CELSR1: variants seen among roughly 807,000 people sequenced by gnomAD.
CELSR1 encodes adhesion G protein-coupled receptor C1.
A neutral mutation model predicts 249.1 loss-of-function variants in CELSR1; 110 were observed. The observed-to-expected ratio is 0.44, with a 90% CI of 0.38 to 0.52. The LOEUF (loss-of-function observed/expected upper bound fraction) is 0.52. Among genes scored for constraint, CELSR1 ranks in the 20% least tolerant of loss-of-function variants. CELSR1 has a pLI of 0.00. For synonymous variants in CELSR1, 2,113 were observed against 1,900.0 expected, an observed-to-expected ratio of 1.11 and a Z score of -2.92; for missense variants, 4,109 against 4,296.4, an observed-to-expected ratio of 0.96 and a Z score of 1.22.
At chr22:46,497,454 C>T (rs1010926595) in intron 1 of CELSR1, among the ~76,000 whole-genome samples, 2 of 152,156 alleles carry the variant, frequency 1.3e-5, no homozygotes, top group Admixed American at 1.3e-4. Flanking sequence ...GAATCTGTCC[C>T]AGGCCTCTGT....
rs745927184 is a variant in CELSR1 at position 46,374,184 on chromosome 22, T to C, written c.7585-1127A>G. ...GCGCGAGCGTGTGGCTGGAGAACTC[T>C]ACACCAAACACCCTGGTTTCCTGAG... On this transcript the variant is annotated intron_variant, in intron 24 of 34. Transcript: ENST00000674500. The surrounding 1 kb of genome is among the most constrained non-coding windows in gnomAD (Gnocchi z 4.3). Among the ~76,000 whole-genome samples, 2 of 152,190 alleles carry C rather than the reference T, an allele frequency of 1.3e-5. No individual in the cohort carries two copies. The highest frequency in any genetic ancestry group is 4.8e-5 in the African/African-American group (2 of 41,446).
intron 1 of CELSR1, among the ~76,000 whole-genome samples, chr22:46,485,172 C>T (rs1349147041): frequency 2.6e-5 from 4 of 152,172 alleles, no homozygotes; most frequent in East Asian, 3.9e-4. Flanking sequence ...ATTGCAGCTT[C>T]GAGGTTTTTC....
intron 1 of CELSR1, among the ~76,000 whole-genome samples, chr22:46,530,763 A>C (rs2080783280): frequency 6.6e-6 from 1 of 152,166 alleles, no homozygotes; most frequent in Non-Finnish European, 1.5e-5. Flanking sequence ...AGGCTAAATG[A>C]ACTGCCCCCA....
rs1602096366 is a variant in CELSR1, at chr22:46,410,326, A to G, written c.4933+72T>C. 1 of 1,559,266 alleles carries G rather than the reference A, an allele frequency of 6.4e-7. No homozygotes were observed. The highest frequency in any genetic ancestry group is 1.1e-5 in the South Asian group (1 of 87,850). On this transcript the variant is annotated intron_variant, in intron 7 of 34. Transcript: ENST00000674500. The surrounding 1 kb of genome is among the most constrained non-coding windows in gnomAD (Gnocchi z 6.8). Reference sequence around the variant, plus strand: ...GCTCCCCAGGGATCTGCAAGCAGTGACCTCTGTGTGGCTGCCGACGTCCAG... The same window carrying G: ...GCTCCCCAGGGATCTGCAAGCAGTGGCCTCTGTGTGGCTGCCGACGTCCAG...
rs1260354743 is a variant in CELSR1, at chr22:46,506,495, C to T, written c.3544+27132G>A. ...CAAGAGTCCAGCCCAACCGGCCCTG[C>T]CTCAGGTCTGCGTTCTGCCAGCCTC... On this transcript the variant is annotated intron_variant, in intron 1 of 34. Transcript: ENST00000674500. The surrounding 1 kb of genome is among the most constrained non-coding windows in gnomAD (Gnocchi z 4.1). Among the ~76,000 whole-genome samples the T allele has an allele frequency of 6.6e-6, 1 of 152,204 alleles. No individual in the cohort carries two copies. The highest frequency in any genetic ancestry group is 2.4e-5 in the African/African-American group (1 of 41,450).
intron 18 of CELSR1, among the ~76,000 whole-genome samples, chr22:46,388,782 A>G (rs1052143940): frequency 6.6e-6 from 1 of 152,044 alleles, no homozygotes; most frequent in African/African-American, 2.4e-5. Context: ...TTCCACACAC[A>G]CAGCCAGAGG....
chr22:46,457,729 C>G (rs556500204), intron 2 of CELSR1, among the ~76,000 whole-genome samples: 2 of 152,370 alleles, frequency 1.3e-5, no homozygotes, highest in South Asian at 4.1e-4. Flanking sequence ...AGGGCGGACC[C>G]ACATGGGAGC....
Position 46,397,680 on chromosome 22 carries a change from C to T in CELSR1, c.5695G>A (p.Asp1899Asn), listed in dbSNP as rs763690144. ...DAWEDYSCVC[D>N]KGYLGINCVD... ...CCCGGGAGGGCGGTCCCACCTTTGTCACAGACGCAGCTGTAGTCCTCCCAG... is the reference window on the plus strand; with the variant it reads ...CCCGGGAGGGCGGTCCCACCTTTGTTACAGACGCAGCTGTAGTCCTCCCAG... The change falls in exon 12 of 35, where the codon GAC becomes AAC. Residue 1899 changes from aspartate (D) to asparagine (N), a missense_variant. By Grantham distance (23) the Asp-to-Asn change is conservative. This residue lies in a region of CELSR1 where 1,805 missense variants were observed against 1,831.6 expected (regional missense o/e 0.99). Coordinates refer to ENST00000674500, the MANE Select transcript of CELSR1 (RefSeq NM_001378328.1). 2 of 1,512,140 alleles carry T rather than the reference C, an allele frequency of 1.3e-6. No homozygotes were observed. Among genetic ancestry groups the T allele is most frequent in the Admixed American group, 4.2e-5 (2 of 48,040 alleles). 93.7% of individuals were successfully genotyped at this position (1,512,140 alleles called of 1,614,324 possible).
intron 2 of CELSR1, among the ~76,000 whole-genome samples, chr22:46,459,347 AG>A (rs1299483658): frequency 1.3e-5 from 2 of 152,180 alleles, no homozygotes; most frequent in Non-Finnish European, 2.9e-5. Flanking sequence ...CCAGCCCCTC[AG>A]GTGTGAGGTT....
intron 9 of CELSR1, among the ~76,000 whole-genome samples, chr22:46,404,627 C>T (rs1364241091): frequency 6.6e-6 from 1 of 151,900 alleles, no homozygotes; most frequent in South Asian, 2.1e-4. Flanking sequence ...GGCACACACA[C>T]ACAAAAAAAC....
At position 46,401,138 on chromosome 22, in the gene CELSR1, T is replaced by C. The variant is rs2079207173; in HGVS notation, c.5227-1236A>G. Among the ~76,000 whole-genome samples, 1 of 152,154 alleles carries C rather than the reference T, an allele frequency of 6.6e-6. No individual in the cohort carries two copies. Among genetic ancestry groups the C allele is most frequent in the Non-Finnish European group, 1.5e-5 (1 of 68,034 alleles). On this transcript the variant is annotated intron_variant, in intron 9 of 34. Coordinates refer to ENST00000674500, the MANE Select transcript of CELSR1 (RefSeq NM_001378328.1). The surrounding 1 kb of genome is among the most constrained non-coding windows in gnomAD (Gnocchi z 4.7). ...GACCCAGCTCGATTCAGGTAACTAC[T>C]GGGCTCCTATTTTTGGATGTAAACA...
Position 46,409,703 on chromosome 22 carries a change from A to T in CELSR1, c.5059+52T>A, listed in dbSNP as rs2079308996. On this transcript the variant is annotated intron_variant, in intron 8 of 34. Coordinates refer to ENST00000674500, the MANE Select transcript of CELSR1 (RefSeq NM_001378328.1). This position sits in a 1 kb window ranked among gnomAD's most constrained non-coding sequence, Gnocchi z 9.8. The stretch of plus-strand genomic sequence containing the variant: ...GGTGGTCCCGGGCACATCAAGGAGC[A>T]ATGCCTCCCAGGCCGCCGTGACCGG... 1 of 1,604,542 alleles carries T rather than the reference A, an allele frequency of 6.2e-7. No homozygotes were observed. The highest frequency in any genetic ancestry group is 1.3e-5 in the African/African-American group (1 of 75,002).
In CELSR1 at chr22:46,385,043, C is replaced by T. The variant is rs115835406; in HGVS notation, c.6740-357G>A. The stretch of plus-strand genomic sequence containing the variant: ...CTGACCTCAAGTAATTTGCATGCCC[C>T]GGCTTTCCAAAGTGCTGGGATTACA... On this transcript the variant is annotated intron_variant, in intron 19 of 34. Transcript: ENST00000674500. Among the ~76,000 whole-genome samples the T allele has an allele frequency of 6.5e-3, 984 of 152,206 alleles. 3 individuals are homozygous for T. The highest frequency in any genetic ancestry group is 0.014 in the African/African-American group (588 of 41,528).
rs2059261626 is a variant in CELSR1, at chr22:46,406,334, G to A, written c.5226+2662C>T. On this transcript the variant is annotated intron_variant, in intron 9 of 34. Transcript: ENST00000674500. The surrounding 1 kb of genome is among the most constrained non-coding windows in gnomAD (Gnocchi z 5.4). ...CAGGTTAACAAGGGCCCACAGGCCA[G>A]CTGTAATCATCCCTGGCGCACACCA... Among the ~76,000 whole-genome samples, 1 of 152,230 alleles carries A rather than the reference G, an allele frequency of 6.6e-6. No homozygotes were observed. Among genetic ancestry groups the A allele is most frequent in the African/African-American group, 2.4e-5 (1 of 41,466 alleles).
intron 1 of CELSR1, among the ~76,000 whole-genome samples, chr22:46,499,185 TAAAAA>T (rs10606942): frequency 1.5e-5 from 2 of 130,954 alleles, no homozygotes; most frequent in Non-Finnish European, 3.2e-5. Flanking sequence ...GTTGCAAATC[TAAAAA>T]AAAAAAAAAA....
chr22:46,519,836 G>A (rs921064495), intron 1 of CELSR1, among the ~76,000 whole-genome samples: 1 of 151,522 alleles, frequency 6.6e-6, no homozygotes, highest in Non-Finnish European at 1.5e-5. Flanking sequence ...CCATGTACCA[G>A]GCACAAGATT....
chr22:46,451,003 C>T (rs1323948980), intron 2 of CELSR1, among the ~76,000 whole-genome samples: 2 of 152,210 alleles, frequency 1.3e-5, no homozygotes, highest in African/African-American at 4.8e-5. Context: ...TCCTCACTGC[C>T]TTCCTGAGAC....
Position 46,533,689 on chromosome 22 carries a change from T to C in CELSR1, c.3482A>G (p.Gln1161Arg). ...GTTGTTGTCCAGGTCGCGGCTGAGC[T>C]GCAGTTCGCCCGTGGCGGGGTCCAG... ...LLLDPATGELQLSRDLDNNRP... is the reference protein window; with the variant it reads ...LLLDPATGELRLSRDLDNNRP... The change falls in exon 1 of 35, where the codon CAG becomes CGG. Residue 1161 changes from glutamine to arginine, a missense_variant. This residue lies in a region of CELSR1 where 886 missense variants were observed against 896.5 expected (regional missense o/e 0.99). Coordinates refer to ENST00000674500, the MANE Select transcript of CELSR1 (RefSeq NM_001378328.1). 1 of 1,610,538 alleles carries C rather than the reference T, an allele frequency of 6.2e-7. No homozygotes were observed.
Position 46,374,985 on chromosome 22 carries a change from G to C in CELSR1, c.7585-1928C>G, listed in dbSNP as rs1352062859. ...ACGCCTCGGGGCTCGTCCTTCATGGGCCAGGCCTGGTGCTCCACCTACCAC... is the reference window on the plus strand; with the variant it reads ...ACGCCTCGGGGCTCGTCCTTCATGGCCCAGGCCTGGTGCTCCACCTACCAC... On this transcript the variant is annotated intron_variant, in intron 24 of 34. Coordinates refer to ENST00000674500, the MANE Select transcript of CELSR1 (RefSeq NM_001378328.1). This position sits in a 1 kb window ranked among gnomAD's most constrained non-coding sequence, Gnocchi z 4.3. Among the ~76,000 whole-genome samples the C allele has an allele frequency of 6.6e-6, 1 of 152,136 alleles. No homozygotes were observed. Among genetic ancestry groups the C allele is most frequent in the African/African-American group, 2.4e-5 (1 of 41,454 alleles).
Sources: allele counts gnomAD v4.1 joint callset (sites outside exome capture counted in the v4.1 genomes callset), GRCh38; gene constraint gnomAD v4.1.1; regional missense constraint gnomAD v4.1.1; non-coding constraint Gnocchi (gnomAD v3.1); transcripts MANE v1.5; gene names NCBI Gene and HGNC (gene_info 2026-07-23, HGNC 2026-07-21).